The following CKAP5 variants were observed in gnomAD, a reference collection of about 807,000 sequenced individuals.
The protein encoded by CKAP5 is cytoskeleton associated protein 5.
A neutral mutation model predicts 232.8 loss-of-function variants in CKAP5; 27 were observed. The ratio of observed to expected loss-of-function variants is 0.12; its 90% CI spans 0.09 to 0.16. CKAP5 has a LOEUF of 0.16. CKAP5 is among the 10% of genes least tolerant of loss of function. CKAP5 has a pLI of 1.00. For missense variants in CKAP5, 1,838 were observed against 2,424.7 expected, an observed-to-expected ratio of 0.76 and a Z score of 5.08; for synonymous variants, 785 against 841.1, an observed-to-expected ratio of 0.93 and a Z score of 1.16.
intron 8 of CKAP5, among the ~76,000 whole-genome samples, chr11:46,805,437 T>C (rs964019251): frequency 6.6e-5 from 10 of 152,218 alleles, no homozygotes; most frequent in African/African-American, 2.4e-4. Flanking sequence ...ATGGGATTAC[T>C]TGATTTATAC....
rs1939146174 is a variant in CKAP5 at position 46,806,029 on chromosome 11, A to G, written c.978+2002T>C. 2.6e-5 allele frequency among the ~76,000 whole-genome samples: 4 copies of G among 152,240 alleles called. 1 individual carries two copies. The South Asian group carries it at 8.3e-4, about 31-fold the overall frequency. On this transcript the variant is annotated intron_variant, in intron 8 of 43. Transcript: ENST00000529230. ...GTTTCAGGTTAATTTTTACAACTGA[A>G]GTTAACTTTTCATTGTTTTAAATAT...
intron 20 of CKAP5, among the ~76,000 whole-genome samples, chr11:46,779,130 A>G (rs924568983): frequency 6.6e-6 from 1 of 151,936 alleles, no homozygotes; most frequent in African/African-American, 2.4e-5. Context: ...AACAAAACAT[A>G]AAAATTTTTT....
chr11:46,821,907 T>C (rs1939543219), intron 1 of CKAP5, among the ~76,000 whole-genome samples: 1 of 151,740 alleles, frequency 6.6e-6, no homozygotes, highest in Non-Finnish European at 1.5e-5. Flanking sequence ...GGTGTGGTGG[T>C]GCAGGCCTGT....
chr11:46,778,588 T>C lies in CKAP5; in HGVS notation c.2445A>G (p.Gln815=), dbSNP rs1375704148. The change falls in exon 21 of 44, where the codon CAA becomes CAG. Residue 815 remains glutamine, a synonymous_variant. Coordinates refer to ENST00000529230, the MANE Select transcript of CKAP5 (RefSeq NM_001008938.4). ...IDAEFEKMQG[Q]SPPAPTRGIS... The stretch of plus-strand genomic sequence containing the variant: ...TTCCTCTGGTTGGAGCAGGTGGACT[T>C]TGTCCCTGCATCTATACACAAATGA... The C allele has an allele frequency of 1.2e-6, 2 of 1,613,844 alleles. No individual in the cohort carries two copies. Among genetic ancestry groups the C allele is most frequent in the Admixed American group, 1.7e-5 (1 of 59,966 alleles).
intron 8 of CKAP5, among the ~76,000 whole-genome samples, chr11:46,807,338 A>G (rs1592471596): frequency 6.6e-6 from 1 of 152,206 alleles, no homozygotes; most frequent in Non-Finnish European, 1.5e-5. Flanking sequence ...GTGTGCGTAT[A>G]ATTAAAAATC....
intron 4 of CKAP5, among the ~76,000 whole-genome samples, chr11:46,811,786 A>T (rs1412278315): frequency 6.6e-6 from 1 of 152,200 alleles, no homozygotes; most frequent in Non-Finnish European, 1.5e-5. Flanking sequence ...TAATACCACA[A>T]ATATGTATGT....
At chr11:46,767,082 C>T (rs962701887) in intron 27 of CKAP5, among the ~76,000 whole-genome samples, 2 of 150,590 alleles carry the variant, frequency 1.3e-5, no homozygotes, top group South Asian at 2.1e-4. Flanking sequence ...AGTGCAATGG[C>T]GAGATATTGG....
chr11:46,753,271 G>A, intron 37 of CKAP5, 39 bp downstream of exon 37: 2 of 1,503,030 alleles, frequency 1.3e-6, no homozygotes, highest in Non-Finnish European at 1.8e-6. Context: ...ACAAAAGCGA[G>A]GATGCCCCAG....
intron 24 of CKAP5, among the ~76,000 whole-genome samples, chr11:46,773,059 T>C (rs2065261331): frequency 6.6e-6 from 1 of 151,786 alleles, no homozygotes; most frequent in African/African-American, 2.4e-5. Flanking sequence ...TTAAGTTTCA[T>C]GTTATCTGTA....
chr11:46,751,126 A>C lies in CKAP5; in HGVS notation c.5452T>G (p.Ser1818Ala). ...CAAGTCAGGCCACTCACTATTCGAG[A>C]TGCTCCCTTTTCTGTTTCCTTATCA... ...KSDKETEKGA[S>A]RIDEKSSKAK... Residue 1818 changes from serine to alanine, a missense_variant, in exon 40 of 44, where the codon TCT (serine) becomes GCT (alanine). This residue lies in a region of CKAP5 where 579 missense variants were observed against 843.2 expected (regional missense o/e 0.69). Coordinates refer to ENST00000529230, the MANE Select transcript of CKAP5 (RefSeq NM_001008938.4). 1 of 1,614,052 alleles carries C rather than the reference A, an allele frequency of 6.2e-7. No homozygotes were observed. The highest frequency in any genetic ancestry group is 8.5e-7 in the Non-Finnish European group (1 of 1,180,010).
chr11:46,762,840 G>C, intron 30 of CKAP5, 78 bp from the exon 31 acceptor site: 3 of 1,509,490 alleles, frequency 2.0e-6, no homozygotes, highest in Non-Finnish European at 2.7e-6. Flanking sequence ...ACTATGTTTT[G>C]AAAGAATAGG....
chr11:46,808,206 T>A, intron 7 of CKAP5, 62 bp from the exon 8 acceptor site: 1 of 1,051,190 alleles, frequency 9.5e-7, no homozygotes, highest in Non-Finnish European at 1.4e-6. Flanking sequence ...AAAGTCTATT[T>A]ATTGCACTCT....
chr11:46,760,807 A>C, intron 32 of CKAP5, 23 bp from the exon 33 acceptor site: 1 of 1,603,454 alleles, frequency 6.2e-7, no homozygotes, highest in Non-Finnish European at 8.5e-7. Context: ...CAAATTTAGA[A>C]ACCTAACTGG....
intron 14 of CKAP5, 136 bp downstream of exon 14, chr11:46,790,334 T>C (rs548216408): frequency 1.1e-4 from 86 of 804,608 alleles, no homozygotes; most frequent in African/African-American, 8.3e-4. Flanking sequence ...ATAAAGGAGA[T>C]TGTCCAAGGC....
intron 42 of CKAP5, among the ~76,000 whole-genome samples, chr11:46,746,409 A>G (rs2065022908): frequency 6.6e-6 from 1 of 152,208 alleles, no homozygotes; most frequent in African/African-American, 2.4e-5. Context: ...CATTTAACAA[A>G]TATCATCATG....
intron 1 of CKAP5, among the ~76,000 whole-genome samples, chr11:46,821,756 C>T (rs556464376): frequency 6.6e-6 from 1 of 151,776 alleles, no homozygotes; most frequent in South Asian, 2.1e-4. Context: ...ACTCAAAAGA[C>T]AGGACACAGT....
chr11:46,755,091 T>C (rs2065100313), intron 35 of CKAP5, 24 bp from the exon 36 acceptor site: 17 of 1,573,240 alleles, frequency 1.1e-5, no homozygotes, highest in Non-Finnish European at 1.4e-5. Context: ...TTTCAAGATA[T>C]ATTTTCCAAG....
chr11:46,832,450 A>G (rs1201147036), intron 1 of CKAP5, among the ~76,000 whole-genome samples: 1 of 152,232 alleles, frequency 6.6e-6, no homozygotes, highest in Non-Finnish European at 1.5e-5. Context: ...TCTAGATTAA[A>G]TTTAGTGCAA....
At chr11:46,782,722 T>C (rs896762187) in intron 18 of CKAP5, among the ~76,000 whole-genome samples, 1 of 152,228 alleles carries the variant, frequency 6.6e-6, no homozygotes, top group Non-Finnish European at 1.5e-5. Flanking sequence ...ATCTATAAGA[T>C]AGGGATAATA....
Sources: allele counts gnomAD v4.1 joint callset (sites outside exome capture counted in the v4.1 genomes callset), GRCh38; gene constraint gnomAD v4.1.1; regional missense constraint gnomAD v4.1.1; transcripts MANE v1.5; gene names NCBI Gene and HGNC (gene_info 2026-07-23, HGNC 2026-07-21).